Variants in RANBP17 observed in about 807,000 individuals in gnomAD.
RANBP17 encodes RAN binding protein 17, also known as ran-binding protein 17.
Under a neutral mutation model 141.2 loss-of-function variants are expected in RANBP17, and 158 were observed. The observed-to-expected ratio is 1.12, with a 90% CI of 0.98 to 1.28. RANBP17 has a LOEUF of 1.28. Ranked by LOEUF, RANBP17 falls within the 50% of genes most tolerant of loss-of-function variation. RANBP17 has a pLI of 0.00. For synonymous variants in RANBP17, 430 were observed against 450.0 expected, an observed-to-expected ratio of 0.96 and a Z score of 0.56; for missense variants, 1,438 against 1,290.7, an observed-to-expected ratio of 1.11 and a Z score of -1.75.
At chr5:170,899,229 C>A (rs7444698) in intron 5 of RANBP17, among the ~76,000 whole-genome samples, 91,248 of 151,932 alleles carry the variant, frequency 0.6, 29,145 homozygotes, top group South Asian at 0.88. Context: ...TTGAAGAGGT[C>A]CTTTACATCC....
At chr5:170,931,709 A>G (rs1773404069) in intron 12 of RANBP17, among the ~76,000 whole-genome samples, 1 of 152,128 alleles carries the variant, frequency 6.6e-6, no homozygotes, top group African/African-American at 2.4e-5. Context: ...CAAAGATCAG[A>G]TGGTTGTAGA....
intron 16 of RANBP17, among the ~76,000 whole-genome samples, chr5:171,173,726 AAC>A (rs1217276660): frequency 6.6e-6 from 1 of 152,120 alleles, no homozygotes; most frequent in Non-Finnish European, 1.5e-5. Flanking sequence ...TGCTTTTTAA[AAC>A]ACAAATTGTT....
At chr5:171,234,941 G>A (rs772074791) in intron 22 of RANBP17, among the ~76,000 whole-genome samples, 2 of 152,192 alleles carry the variant, frequency 1.3e-5, no homozygotes, top group Non-Finnish European at 2.9e-5. Flanking sequence ...GCATGCTTCA[G>A]CACACCTACT....
Position 171,027,698 on chromosome 5 carries a change from T to A in RANBP17, c.1710+59321T>A, listed in dbSNP as rs1460666228. 2.0e-5 allele frequency among the ~76,000 whole-genome samples: 3 copies of A among 152,034 alleles called. No individual in the cohort carries two copies. In the East Asian group the frequency reaches 5.8e-4, roughly 29 times the overall value. ...AACTACTAAACTTTGTAGCCTAATA[T>A]AGTGATTTTTATCACAATGATAAAC... On this transcript the variant is annotated intron_variant, in intron 14 of 27. Transcript: ENST00000523189.
intron 12 of RANBP17, among the ~76,000 whole-genome samples, chr5:170,944,341 A>G (rs1307863197): frequency 1.3e-5 from 2 of 152,176 alleles, no homozygotes. Flanking sequence ...ATCTCGGCTC[A>G]CTGCAACCTT....
At chr5:171,230,568 C>A (rs1320097164) in intron 22 of RANBP17, among the ~76,000 whole-genome samples, 2 of 152,082 alleles carry the variant, frequency 1.3e-5, no homozygotes, top group Non-Finnish European at 2.9e-5. Context: ...CGAGACCAGC[C>A]TGGCCAACAT....
intron 14 of RANBP17, among the ~76,000 whole-genome samples, chr5:171,099,844 G>C (rs753926283): frequency 6.6e-6 from 1 of 152,088 alleles, no homozygotes; most frequent in African/African-American, 2.4e-5. Context: ...GGCTTTTTCT[G>C]CGTCTATTGA....
chr5:171,090,837 C>T (rs763138076), intron 14 of RANBP17, among the ~76,000 whole-genome samples: 4 of 152,104 alleles, frequency 2.6e-5, no homozygotes, highest in Non-Finnish European at 5.9e-5. Context: ...GTTGAGCCTG[C>T]GGGTGCACAG....
intron 20 of RANBP17, among the ~76,000 whole-genome samples, chr5:171,211,716 A>G (rs548839981): frequency 6.6e-6 from 1 of 151,398 alleles, no homozygotes; most frequent in South Asian, 2.1e-4. Flanking sequence ...AATAGTTGAT[A>G]AGAAAACTGT....
intron 14 of RANBP17, among the ~76,000 whole-genome samples, chr5:171,053,656 CATCTGTAAAGAG>C (rs1783113709): frequency 6.6e-6 from 1 of 151,434 alleles, no homozygotes; most frequent in Non-Finnish European, 1.5e-5. Context: ...AGAATTATGT[CATCTGTAAAGAG>C]GTAGTTTTGT....
chr5:171,298,621 A>G, intron 27 of RANBP17, 141 bp from the exon 28 acceptor site: 1 of 564,884 alleles, frequency 1.8e-6, no homozygotes, highest in African/African-American at 1.9e-5. Context: ...AGTGGAGAGA[A>G]AGGAGCTCAG....
intron 14 of RANBP17, among the ~76,000 whole-genome samples, chr5:171,053,663 A>G (rs1457819806): frequency 6.6e-6 from 1 of 151,570 alleles, no homozygotes; most frequent in African/African-American, 2.4e-5. Flanking sequence ...TGTCATCTGT[A>G]AAGAGGTAGT....
intron 14 of RANBP17, among the ~76,000 whole-genome samples, chr5:171,030,256 A>G (rs1177808647): frequency 6.6e-6 from 1 of 152,090 alleles, no homozygotes; most frequent in African/African-American, 2.4e-5. Flanking sequence ...TGAGCAAGAG[A>G]ACATTTCTTT....
rs561514156 is a variant in RANBP17, at chr5:171,064,384, A to T, written c.1710+96007A>T. Among the ~76,000 whole-genome samples the T allele has an allele frequency of 5.9e-5, 9 of 152,324 alleles. No individual in the cohort carries two copies. In the East Asian group the frequency reaches 1.7e-3, roughly 29 times the overall value. ...GGTGAAAAAATTGACTTTTATTGTA[A>T]TTTTAATTTGCATTTCTCTTTTATA... On this transcript the variant is annotated intron_variant, in intron 14 of 27. Transcript: ENST00000523189.
chr5:171,221,606 T>G (rs1031875430), intron 21 of RANBP17, 152 bp from the exon 22 acceptor site: 1 of 629,596 alleles, frequency 1.6e-6, no homozygotes, highest in African/African-American at 1.9e-5. Context: ...TTAGCATACG[T>G]ATTTTATCAA....
chr5:171,039,099 G>A (rs2127631479), intron 14 of RANBP17, among the ~76,000 whole-genome samples: 1 of 152,220 alleles, frequency 6.6e-6, no homozygotes, highest in East Asian at 1.9e-4. Flanking sequence ...ACCCAGTAAT[G>A]GGATTGCTAG....
intron 14 of RANBP17, among the ~76,000 whole-genome samples, chr5:170,993,189 G>A (rs72827511): frequency 4.6e-5 from 7 of 152,114 alleles, no homozygotes; most frequent in Non-Finnish European, 5.9e-5. Flanking sequence ...TACTCTAGGG[G>A]AAGTTATAAG....
intron 14 of RANBP17, among the ~76,000 whole-genome samples, chr5:171,060,348 T>C (rs565894535): frequency 1.7e-4 from 26 of 151,566 alleles, no homozygotes; most frequent in African/African-American, 6.0e-4. Flanking sequence ...CATCAATACC[T>C]AATTTATTGA....
chr5:170,972,970 T>C (rs1333204329), intron 14 of RANBP17, among the ~76,000 whole-genome samples: 1 of 152,246 alleles, frequency 6.6e-6, no homozygotes, highest in Non-Finnish European at 1.5e-5. Flanking sequence ...TTGCTTATGA[T>C]GAAACTTTGC....
Sources: gnomAD v4.1 joint callset for allele counts (sites outside exome capture counted in the v4.1 genomes callset) on GRCh38, gnomAD v4.1.1 for gene constraint, MANE v1.5 for transcripts, NCBI Gene and HGNC (gene_info 2026-07-23, HGNC 2026-07-21) for gene names.